TAOK1: variants seen among roughly 807,000 people sequenced by gnomAD.
TAOK1 encodes TAO kinase 1.
TAOK1 carries 21 observed loss-of-function variants against 138.3 expected under a neutral mutation model. The observed-to-expected ratio is 0.15, with a 90% CI of 0.11 to 0.22. The LOEUF is 0.22. TAOK1 is among the 10% of genes least tolerant of loss of function. The pLI is 1.00. For synonymous variants in TAOK1, 361 were observed against 398.4 expected (o/e 0.91, Z 1.12); for missense variants, 651 against 1,227.7 (o/e 0.53, Z 7.02).
intron 10 of TAOK1, among the ~76,000 whole-genome samples, chr17:29,492,473 G>T (rs1333327223): frequency 6.6e-6 from 1 of 152,166 alleles, no homozygotes; most frequent in Non-Finnish European, 1.5e-5. Context: ...AATTCATGTG[G>T]AACAATGTCT....
At chr17:29,469,147 C>T (rs1276648052) in intron 3 of TAOK1, among the ~76,000 whole-genome samples, 4 of 151,806 alleles carry the variant, frequency 2.6e-5, no homozygotes, top group South Asian at 4.2e-4. Flanking sequence ...TTTGGGAGGC[C>T]GAGGTGGGTG....
intron 1 of TAOK1, among the ~76,000 whole-genome samples, chr17:29,397,614 ATATAT>A (rs1352510029): frequency 4.5e-4 from 30 of 66,978 alleles, no homozygotes; most frequent in African/African-American, 1.7e-3. Flanking sequence ...CCCCAAAAAA[ATATAT>A]ATATATATAT....
chr17:29,411,326 C>T (rs1351216464), intron 1 of TAOK1, among the ~76,000 whole-genome samples: 1 of 151,052 alleles, frequency 6.6e-6, no homozygotes. Flanking sequence ...CTCCTGACTT[C>T]GTGATCCGCC....
At chr17:29,436,867 G>A (rs751516951) in intron 1 of TAOK1, among the ~76,000 whole-genome samples, 1 of 152,070 alleles carries the variant, frequency 6.6e-6, no homozygotes, top group East Asian at 1.9e-4. Flanking sequence ...CACTTCAGGG[G>A]CCCTCTGAAG....
At position 29,489,761 on chromosome 17, in the gene TAOK1, A is replaced by G. The variant is rs377646005; in HGVS notation, c.749+4A>G. The G allele has an allele frequency of 5.1e-4, 805 of 1,573,436 alleles. 1 individual carries two copies. Among genetic ancestry groups the G allele is most frequent in the Non-Finnish European group, 6.8e-4 (779 of 1,151,336 alleles). On this transcript the variant is annotated splice_donor_region_variant and intron_variant, in intron 9 of 19. Coordinates refer to ENST00000261716, the MANE Select transcript of TAOK1 (RefSeq NM_020791.4). Reference sequence around the variant, plus strand: ...CTACACTACAGTCTAATGAATGGTGAGTATTGTTAATATATATATTGCTCA... The same window carrying G: ...CTACACTACAGTCTAATGAATGGTGGGTATTGTTAATATATATATTGCTCA...
chr17:29,470,851 A>G (rs145105290), intron 3 of TAOK1, among the ~76,000 whole-genome samples: 3 of 152,312 alleles, frequency 2.0e-5, no homozygotes, highest in Non-Finnish European at 2.9e-5. Flanking sequence ...GGCCTGGCAC[A>G]GTGGCTTACG....
At chr17:29,466,818 C>A (rs1487299032) in intron 2 of TAOK1, among the ~76,000 whole-genome samples, 3 of 152,102 alleles carry the variant, frequency 2.0e-5, no homozygotes, top group Non-Finnish European at 4.4e-5. Flanking sequence ...AGATTTCAAA[C>A]TTTATTAGCA....
At chr17:29,538,182 G>T in intron 19 of TAOK1, among the ~76,000 whole-genome samples, 1 of 150,872 alleles carries the variant, frequency 6.6e-6, no homozygotes, top group South Asian at 2.1e-4. Context: ...TTTAAATGAT[G>T]TCTGCAAAAC....
chr17:29,510,309 G>A (rs767003679), intron 14 of TAOK1, among the ~76,000 whole-genome samples: 2 of 152,128 alleles, frequency 1.3e-5, no homozygotes, highest in South Asian at 2.1e-4. Flanking sequence ...CCCGGGAAGC[G>A]GAGGTTGCAG....
chr17:29,513,397 T>C (rs1292692608), intron 15 of TAOK1: 2 of 152,188 alleles, frequency 1.3e-5, no homozygotes, highest in African/African-American at 4.8e-5. Flanking sequence ...AGTTTCCAAC[T>C]ATAAATAAAT....
At chr17:29,501,221 TAAAAAA>T (rs66503222) in intron 12 of TAOK1, among the ~76,000 whole-genome samples, 13 of 120,604 alleles carry the variant, frequency 1.1e-4, no homozygotes, top group South Asian at 2.8e-4. Flanking sequence ...CCCATCTGTT[TAAAAAA>T]AAAAAAAAAA....
chr17:29,399,310 GATTT>G (rs992244066), intron 1 of TAOK1, among the ~76,000 whole-genome samples: 1 of 151,316 alleles, frequency 6.6e-6, no homozygotes, highest in Non-Finnish European at 1.5e-5. Flanking sequence ...TTTGATATTG[GATTT>G]ATTTTTATTT....
intron 14 of TAOK1, among the ~76,000 whole-genome samples, chr17:29,508,508 A>G (rs768096176): frequency 6.6e-6 from 1 of 152,158 alleles, no homozygotes; most frequent in South Asian, 2.1e-4. Context: ...TTTCCTGATT[A>G]TTGATAGTTT....
Position 29,543,194 on chromosome 17 carries a change from G to T in TAOK1, c.*172G>T. 1 of 606,614 alleles carries T rather than the reference G, an allele frequency of 1.6e-6. No individual in the cohort carries two copies. Among genetic ancestry groups the T allele is most frequent in the Non-Finnish European group, 2.7e-6 (1 of 372,502 alleles). 37.6% of individuals were successfully genotyped at this position (606,614 alleles called of 1,614,324 possible). ...CTGTTTTGTGTTTACTAATTGGGAT[G>T]TCATAGTACTTGGCTGCCGGGTTTG... On this transcript the variant is annotated 3_prime_UTR_variant, in exon 20 of 20. Transcript: ENST00000261716.
At chr17:29,538,458 C>G (rs979875075) in intron 19 of TAOK1, among the ~76,000 whole-genome samples, 5 of 152,148 alleles carry the variant, frequency 3.3e-5, no homozygotes, top group Non-Finnish European at 7.3e-5. Context: ...TTTTGCCTTT[C>G]AAGCAAAGTA....
At chr17:29,480,687 G>T (rs182411515) in intron 7 of TAOK1, among the ~76,000 whole-genome samples, 21 of 151,890 alleles carry the variant, frequency 1.4e-4, no homozygotes, top group Non-Finnish European at 2.8e-4. Flanking sequence ...TGGCCAACAT[G>T]GTGAGACCCC....
At chr17:29,439,745 C>T (rs545935110) in intron 1 of TAOK1, among the ~76,000 whole-genome samples, 4 of 151,236 alleles carry the variant, frequency 2.6e-5, no homozygotes, top group Non-Finnish European at 5.9e-5. Flanking sequence ...TCCATAATTA[C>T]AGGGCAAGGA....
chr17:29,522,367 C>A lies in TAOK1; in HGVS notation c.1996C>A (p.His666Asn). The change falls in exon 17 of 20, where the codon CAC (histidine) becomes AAC (asparagine). Residue 666 changes from histidine (H) to asparagine (N), a missense_variant. Physicochemically the swap from His to Asn is moderately conservative, Grantham distance 68 (BLOSUM62 1). This residue lies in a region of TAOK1 where 258 missense variants were observed against 548.9 expected (regional missense o/e 0.47). Transcript: ENST00000261716. ...HESMQELEFR[H>N]LNTIQKMRCE... is the part of the protein sequence containing the mutation. Reference sequence around the variant, plus strand: ...ATCTATGCAAGAACTGGAGTTCCGCCACCTCAACACAATTCAGAAGATGCG... The same window carrying A: ...ATCTATGCAAGAACTGGAGTTCCGCAACCTCAACACAATTCAGAAGATGCG... The A allele has an allele frequency of 6.2e-7, 1 of 1,614,176 alleles. No individual in the cohort carries two copies. The highest frequency in any genetic ancestry group is 8.5e-7 in the Non-Finnish European group (1 of 1,180,040).
At chr17:29,531,055 G>A (rs905667193) in intron 18 of TAOK1, among the ~76,000 whole-genome samples, 4 of 137,186 alleles carry the variant, frequency 2.9e-5, no homozygotes, top group East Asian at 4.5e-4. Flanking sequence ...TCCGCCTCCC[G>A]GGTTCACGCC....
Sources: gnomAD v4.1 joint callset for allele counts (sites outside exome capture counted in the v4.1 genomes callset) on GRCh38, gnomAD v4.1.1 for gene constraint, gnomAD v4.1.1 regional missense constraint, MANE v1.5 for transcripts, NCBI Gene and HGNC (gene_info 2026-07-23, HGNC 2026-07-21) for gene names.